CDH18: variants seen among roughly 807,000 people sequenced by gnomAD.
CDH18 encodes the protein cadherin 18, also known as cadherin-18.
Under a neutral mutation model 67.9 loss-of-function variants are expected in CDH18, and 31 were observed. The ratio of observed to expected loss-of-function variants is 0.46; its 90% CI spans 0.34 to 0.62. CDH18 has a LOEUF of 0.62. Ranked by LOEUF, CDH18 falls within the 20% of genes least tolerant of loss-of-function variation. The pLI is 0.01. For synonymous variants in CDH18, 362 were observed against 347.2 expected, an observed-to-expected ratio of 1.04 and a Z score of -0.48; for missense variants, 890 against 975.5, an observed-to-expected ratio of 0.91 and a Z score of 1.17.
intron 5 of CDH18, among the ~76,000 whole-genome samples, chr5:19,666,653 C>T (rs1194012237): frequency 6.6e-6 from 1 of 151,948 alleles, no homozygotes. Context: ...TATGTCTATC[C>T]TTCAAATATC....
chr5:19,952,170 C>T (rs754650162), intron 2 of CDH18, among the ~76,000 whole-genome samples: 15 of 152,150 alleles, frequency 9.9e-5, no homozygotes, highest in Non-Finnish European at 1.9e-4. Context: ...TTGCCTCAGA[C>T]TCCCAAGTAG....
chr5:20,129,342 C>T (rs1251523710), intron 2 of CDH18, among the ~76,000 whole-genome samples: 5 of 152,010 alleles, frequency 3.3e-5, no homozygotes, highest in Admixed American at 3.3e-4. Flanking sequence ...AGGTTACATG[C>T]TATTAGAAAA....
At chr5:19,636,335 C>T (rs1233270643) in intron 5 of CDH18, among the ~76,000 whole-genome samples, 1 of 151,760 alleles carries the variant, frequency 6.6e-6, no homozygotes, top group Admixed American at 6.6e-5. Flanking sequence ...ATATATTACA[C>T]CACATAGTTA....
At chr5:20,391,528 A>T (rs1393089923) in intron 1 of CDH18, among the ~76,000 whole-genome samples, 3 of 152,090 alleles carry the variant, frequency 2.0e-5, no homozygotes, top group African/African-American at 4.8e-5. Flanking sequence ...TTCAGATTTC[A>T]TGCTTAATAT....
intron 1 of CDH18, among the ~76,000 whole-genome samples, chr5:20,423,245 C>T (rs1250178850): frequency 1.3e-5 from 2 of 151,182 alleles, no homozygotes; most frequent in East Asian, 1.9e-4. Context: ...AAGCTCAATG[C>T]CTTTTAGGAA....
chr5:19,743,738 T>C (rs1000743967), intron 4 of CDH18, among the ~76,000 whole-genome samples: 5 of 151,990 alleles, frequency 3.3e-5, no homozygotes, highest in Admixed American at 3.3e-4. Context: ...CTGGCCAACA[T>C]GGCAAGACCC....
At chr5:19,998,265 G>A (rs1283434506) in intron 2 of CDH18, among the ~76,000 whole-genome samples, 1 of 152,088 alleles carries the variant, frequency 6.6e-6, no homozygotes. Flanking sequence ...AGTTTTGTTA[G>A]AGAAACAAGT....
chr5:19,885,216 G>A (rs947190969), intron 2 of CDH18, among the ~76,000 whole-genome samples: 7 of 152,172 alleles, frequency 4.6e-5, no homozygotes, highest in Non-Finnish European at 1.0e-4. Context: ...GAGGCCAAGT[G>A]ACTTAATCTC....
rs917326933 is a variant in CDH18, at chr5:19,741,607, G to T, written c.523+5335C>A. On this transcript the variant is annotated intron_variant, in intron 4 of 12. Transcript: ENST00000382275. ...TTTAAACACTGCAATTTCTTACCTAGCCAGATAGAACATATTTTTGTTTTA... is the reference window on the plus strand; with the variant it reads ...TTTAAACACTGCAATTTCTTACCTATCCAGATAGAACATATTTTTGTTTTA... Among the ~76,000 whole-genome samples, 26 of 151,966 alleles carry T rather than the reference G, an allele frequency of 1.7e-4. 1 individual carries two copies. The highest frequency in any genetic ancestry group is 1.4e-3 in the Admixed American group (21 of 15,256).
In CDH18 at chr5:19,642,416, A is replaced by G. The variant is rs552901936; in HGVS notation, c.644-29815T>C. Among the ~76,000 whole-genome samples the G allele has an allele frequency of 3.9e-5, 6 of 152,188 alleles. No individual in the cohort carries two copies. The South Asian group carries it at 1.2e-3, about 32-fold the overall frequency. On this transcript the variant is annotated intron_variant, in intron 5 of 12. Coordinates refer to ENST00000382275, the MANE Select transcript of CDH18 (RefSeq NM_004934.5). ...AAAGGTGGAACTAACATGCTCTCTG[A>G]TTTCAAAATATATTTCAAAGCTACA...
chr5:20,018,187 TCA>T (rs1738050996), intron 2 of CDH18, among the ~76,000 whole-genome samples: 1 of 152,176 alleles, frequency 6.6e-6, no homozygotes, highest in Non-Finnish European at 1.5e-5. Context: ...CTTGACAATG[TCA>T]CACAGACCTG....
intron 2 of CDH18, among the ~76,000 whole-genome samples, chr5:20,207,466 A>G (rs1739991278): frequency 6.6e-6 from 1 of 152,058 alleles, no homozygotes; most frequent in Non-Finnish European, 1.5e-5. Flanking sequence ...TTTACAAAAG[A>G]AAGAGGTTTA....
At chr5:19,837,428 T>C (rs1277823642) in intron 3 of CDH18, among the ~76,000 whole-genome samples, 2 of 151,964 alleles carry the variant, frequency 1.3e-5, no homozygotes, top group Admixed American at 1.3e-4. Context: ...AAAAAAAGGA[T>C]TTTGAAGTTC....
chr5:19,941,736 G>A (rs192194541), intron 2 of CDH18, among the ~76,000 whole-genome samples: 45 of 152,112 alleles, frequency 3.0e-4, no homozygotes, highest in African/African-American at 1.0e-3. Flanking sequence ...GCAATGTGCC[G>A]TGATTGTGTC....
chr5:20,299,392 TCAA>T lies in CDH18; in HGVS notation c.-579-43890_-579-43888del, dbSNP rs200895108. On this transcript the variant is annotated intron_variant, in intron 1 of 14. Coordinates refer to the CDH18 transcript ENST00000507958. ...TCCTAAACTTAAAAGCCCCAAATCA[TCAA>T]CATTAGCTACACACACACACACACA... 5.3e-3 allele frequency among the ~76,000 whole-genome samples: 738 copies of T among 138,572 alleles called. 7 individuals are homozygous for T. The highest frequency in any genetic ancestry group is 0.019 in the African/African-American group (706 of 37,454). 90.9% of individuals were successfully genotyped at this position (138,572 alleles called of 152,430 possible). A position where few individuals can be genotyped will look rare whatever the true frequency, so the allele number is the denominator to read the frequency against.
At chr5:20,428,057 C>T (rs967989492) in intron 1 of CDH18, among the ~76,000 whole-genome samples, 5 of 150,774 alleles carry the variant, frequency 3.3e-5, no homozygotes, top group African/African-American at 5.0e-5. Flanking sequence ...TCAAGCCCCA[C>T]GTGCATTAGG....
At chr5:19,869,008 A>G (rs973492756) in intron 2 of CDH18, among the ~76,000 whole-genome samples, 2 of 152,216 alleles carry the variant, frequency 1.3e-5, no homozygotes, top group African/African-American at 4.8e-5. Flanking sequence ...TGACCATAAC[A>G]TCATTAAGGG....
chr5:20,348,236 C>T (rs1740872009), intron 1 of CDH18, among the ~76,000 whole-genome samples: 1 of 152,112 alleles, frequency 6.6e-6, no homozygotes, highest in African/African-American at 2.4e-5. Context: ...GATTTCATAG[C>T]ATGGAATAAC....
At chr5:20,527,848 T>C (rs1196056379) in intron 1 of CDH18, among the ~76,000 whole-genome samples, 1 of 152,062 alleles carries the variant, frequency 6.6e-6, no homozygotes, top group African/African-American at 2.4e-5. Flanking sequence ...AGCAACTAAA[T>C]AAACTAGTTT....
Sources: allele counts gnomAD v4.1 joint callset (sites outside exome capture counted in the v4.1 genomes callset), GRCh38; gene constraint gnomAD v4.1.1; transcripts MANE v1.5; gene names NCBI Gene and HGNC (gene_info 2026-07-23, HGNC 2026-07-21).